EFCC1: variants seen among roughly 807,000 people sequenced by gnomAD.
EFCC1 encodes the protein EF-hand and coiled-coil domain containing 1.
A neutral mutation model predicts 52.1 loss-of-function variants in EFCC1; 50 were observed. The ratio of observed to expected loss-of-function variants is 0.96; its 90% CI spans 0.76 to 1.21. The LOEUF (loss-of-function observed/expected upper bound fraction) is 1.21, where lower values mean the gene tolerates loss of function less well. Ranked by LOEUF, EFCC1 falls within the 50% of genes most tolerant of loss-of-function variation. EFCC1 has a pLI of 0.00. For missense variants in EFCC1, 837 were observed against 867.3 expected, an observed-to-expected ratio of 0.97 and a Z score of 0.44; for synonymous variants, 399 against 396.5, an observed-to-expected ratio of 1.01 and a Z score of -0.08.
intron 4 of EFCC1, among the ~76,000 whole-genome samples, chr3:129,033,498 G>A (rs1946314405): frequency 1.3e-5 from 2 of 152,342 alleles, no homozygotes; most frequent in African/African-American, 4.8e-5. Flanking sequence ...AGGATTTGAG[G>A]TCAAAGATAT....
Position 129,034,229 on chromosome 3 carries a change from C to T in EFCC1, c.1352C>T (p.Ala451Val), listed in dbSNP as rs1434844234. Residue 451 changes from alanine to valine, a missense_variant, in exon 5 of 8, where the codon GCC (alanine) becomes GTC (valine). Transcript: ENST00000683648. Reference protein sequence around the residue: ...YFGHFGGANHAHTLGELEACI... With the variant: ...YFGHFGGANHVHTLGELEACI... ...GGTCACTTCGGCGGTGCCAACCATG[C>T]CCATACCCTGGGGGAGCTGGAGGCC... The T allele has an allele frequency of 4.3e-6, 7 of 1,614,102 alleles. No homozygotes were observed. Among genetic ancestry groups the T allele is most frequent in the Non-Finnish European group, 5.9e-6 (7 of 1,180,046 alleles).
At chr3:129,035,857 G>A (rs1406268509) in intron 5 of EFCC1, among the ~76,000 whole-genome samples, 1 of 152,188 alleles carries the variant, frequency 6.6e-6, no homozygotes, top group African/African-American at 2.4e-5. Context: ...CTGTGCCTCG[G>A]TTTCCTCACC....
intron 2 of EFCC1, among the ~76,000 whole-genome samples, chr3:129,018,384 AAAG>A (rs1945681845): frequency 6.6e-6 from 1 of 152,282 alleles, no homozygotes; most frequent in Non-Finnish European, 1.5e-5. Flanking sequence ...AAAAACTAAA[AAAG>A]GGATATTTCA....
At position 129,026,232 on chromosome 3, in the gene EFCC1, A is replaced by AGGT. The variant is rs369828245; in HGVS notation, c.981-4468_981-4466dup. Among the ~76,000 whole-genome samples the AGGT allele has an allele frequency of 1.4e-3, 210 of 152,314 alleles. 1 individual carries two copies. Among genetic ancestry groups the AGGT allele is most frequent in the African/African-American group, 4.5e-3 (185 of 41,562 alleles). On this transcript the variant is annotated intron_variant, in intron 2 of 7. Transcript: ENST00000683648. ...TTCTAAGACACATGCAAGTGCTAGG[A>AGGT]GGTGGAGTGTGGGGATCCAGTCCAC...
intron 2 of EFCC1, among the ~76,000 whole-genome samples, chr3:129,025,863 T>A (rs1393700730): frequency 1.3e-5 from 2 of 152,236 alleles, no homozygotes; most frequent in Non-Finnish European, 2.9e-5. Context: ...TCTGTTCTCT[T>A]CCCAGCTTCA....
In EFCC1 at chr3:129,001,973, T is replaced by A; in HGVS notation, c.345T>A (p.Ala115=). ...ATGTGACCCCCGGGGATGCGGCCGC[T>A]GAGTTGGCCACGGACGGGGACTCAG... ...SRDVTPGDAA[A]ELATDGDSDT... is the part of the protein sequence containing the mutation. Residue 115 remains alanine, a synonymous_variant, in exon 1 of 8, where the codon GCT becomes GCA. Coordinates refer to ENST00000683648, the MANE Select transcript of EFCC1 (RefSeq NM_001377500.1). 1.9e-6 allele frequency: 3 copies of A among 1,544,688 alleles called. No homozygotes were observed. The highest frequency in any genetic ancestry group is 1.7e-6 in the Non-Finnish European group (2 of 1,144,576).
rs897554213 is a variant in EFCC1, at chr3:129,001,958, C to T, written c.330C>T (p.Pro110=). 56 of 1,543,868 alleles carry T rather than the reference C, an allele frequency of 3.6e-5. No individual in the cohort carries two copies. The highest frequency in any genetic ancestry group is 1.7e-4 in the Middle Eastern group (1 of 5,970). ...AGDGNSRDVT[P]GDAAAELATD... ...ACGGGAACTCCAGAGATGTGACCCC[C>T]GGGGATGCGGCCGCTGAGTTGGCCA... The change falls in exon 1 of 8, where the codon CCC becomes CCT. Residue 110 remains proline, a synonymous_variant. Coordinates refer to ENST00000683648, the MANE Select transcript of EFCC1 (RefSeq NM_001377500.1).
intron 2 of EFCC1, among the ~76,000 whole-genome samples, chr3:129,007,449 G>A (rs1945123303): frequency 6.6e-6 from 1 of 152,142 alleles, no homozygotes; most frequent in African/African-American, 2.4e-5. Context: ...GTGTCTTTGG[G>A]GAGAAAACAG....
intron 2 of EFCC1, among the ~76,000 whole-genome samples, chr3:129,011,767 G>C (rs557782498): frequency 3.7e-4 from 57 of 152,206 alleles, no homozygotes; most frequent in South Asian, 4.2e-4. Context: ...CTTCTCGGAG[G>C]ACAGAGCCTG....
chr3:129,014,838 G>A lies in EFCC1; in HGVS notation c.980+10761G>A, dbSNP rs74474892. Among the ~76,000 whole-genome samples, 2,537 of 152,272 alleles carry A rather than the reference G, an allele frequency of 0.017. 66 individuals carry two copies. Among genetic ancestry groups the A allele is most frequent in the African/African-American group, 0.058 (2,417 of 41,538 alleles). ...CGAGCAGGTTGGAGCCAGCCTGGAT[G>A]CCGAGGGGCCAGTGAGGAGGGGCCA... On this transcript the variant is annotated intron_variant, in intron 2 of 7. Transcript: ENST00000683648. This position sits in a 1 kb window ranked among gnomAD's most constrained non-coding sequence, Gnocchi z 4.3.
At position 129,001,534 on chromosome 3, in the gene EFCC1, G is replaced by A. The variant is rs1944746739; in HGVS notation, c.-95G>A. The A allele has an allele frequency of 3.0e-6, 4 of 1,340,104 alleles. No individual in the cohort carries two copies. The African/African-American group carries it at 4.6e-5, about 16-fold the overall frequency. 83.0% of individuals were successfully genotyped at this position (1,340,104 alleles called of 1,614,324 possible). A position where few individuals can be genotyped will look rare whatever the true frequency, so the allele number is the denominator to read the frequency against. ...GCTCCAACCAGACCGCGACCGCTAA[G>A]CCCCTCCTTTCGAGAAACTCTGGGG... On this transcript the variant is annotated 5_prime_UTR_variant, in exon 1 of 8. Transcript: ENST00000683648.
At chr3:129,016,198 A>G (rs1168442691) in intron 2 of EFCC1, among the ~76,000 whole-genome samples, 1 of 152,178 alleles carries the variant, frequency 6.6e-6, no homozygotes, top group Non-Finnish European at 1.5e-5. Flanking sequence ...ACACTAAGCT[A>G]CAGTTGCTGT....
chr3:129,040,200 T>G lies in EFCC1; in HGVS notation c.*352T>G. 3 of 236,220 alleles carry G rather than the reference T, an allele frequency of 1.3e-5. No individual in the cohort carries two copies. The highest frequency in any genetic ancestry group is 2.4e-5 in the Non-Finnish European group (3 of 122,940). 14.6% of individuals were successfully genotyped at this position (236,220 alleles called of 1,614,324 possible). ...CTGACTGAGTCTGACCCCAAATCTC[T>G]TCCCCAGAGTTTCAGGATCTCCTCC... On this transcript the variant is annotated 3_prime_UTR_variant, in exon 8 of 8. Coordinates refer to ENST00000683648, the MANE Select transcript of EFCC1 (RefSeq NM_001377500.1). The surrounding 1 kb of genome is among the most constrained non-coding windows in gnomAD (Gnocchi z 4.4).
At position 129,003,263 on chromosome 3, in the gene EFCC1, C is replaced by A. The variant is rs549457151; in HGVS notation, c.697-531C>A. On this transcript the variant is annotated intron_variant, in intron 1 of 7. Coordinates refer to ENST00000683648, the MANE Select transcript of EFCC1 (RefSeq NM_001377500.1). ...CTGGGAGCCATGGGATGCGCCTGAA[C>A]GGTCTTCCGGCATCTCTCATGCTTG... The A allele has an allele frequency of 8.5e-4, 841 of 985,376 alleles. 1 individual carries two copies. Among genetic ancestry groups the A allele is most frequent in the Middle Eastern group, 1.0e-3 (2 of 1,914 alleles). The allele number at this position is 985,376 out of a possible 1,614,324, so 61.0% of individuals were successfully genotyped here.
At chr3:129,003,755 G>A in intron 1 of EFCC1, 39 bp from the exon 2 acceptor site, 1 of 1,352,602 alleles carries the variant, frequency 7.4e-7, no homozygotes, top group Non-Finnish European at 9.5e-7. Flanking sequence ...CATCTGGCTG[G>A]GGCACTTACC....
chr3:129,032,752 C>T (rs900471786), intron 3 of EFCC1, 67 bp from the exon 4 acceptor site: 12 of 1,520,308 alleles, frequency 7.9e-6, no homozygotes, highest in African/African-American at 5.5e-5. Flanking sequence ...CTGCACATGT[C>T]CCCCTGGGGA....
At position 129,039,922 on chromosome 3, in the gene EFCC1, C is replaced by CACTG; in HGVS notation, c.*77_*80dup. 1 of 1,504,520 alleles carries CACTG rather than the reference C, an allele frequency of 6.6e-7. No individual in the cohort carries two copies. Among genetic ancestry groups the CACTG allele is most frequent in the African/African-American group, 1.4e-5 (1 of 71,944 alleles). The allele number at this position is 1,504,520 out of a possible 1,614,324, so 93.2% of individuals were successfully genotyped here. On this transcript the variant is annotated 3_prime_UTR_variant, in exon 8 of 8. Coordinates refer to ENST00000683648, the MANE Select transcript of EFCC1 (RefSeq NM_001377500.1). ...GACCAGCCTCCATGATCAGCCCAAC[C>CACTG]ACTGACAGCTGGTCTGACCACCGTC...
At chr3:129,015,933 C>T (rs749460530) in intron 2 of EFCC1, among the ~76,000 whole-genome samples, 2 of 152,224 alleles carry the variant, frequency 1.3e-5, no homozygotes, top group African/African-American at 4.8e-5. Context: ...GGTGCTGCAG[C>T]GTGGCCGTGG....
chr3:129,003,773 C>G (rs768971609), intron 1 of EFCC1, 21 bp from the exon 2 acceptor site: 1 of 1,405,300 alleles, frequency 7.1e-7, no homozygotes, highest in South Asian at 1.4e-5. Context: ...ACCCCCTGCC[C>G]CTGCTGCCCT....
Sources: gnomAD v4.1 joint callset for allele counts (sites outside exome capture counted in the v4.1 genomes callset) on GRCh38, gnomAD v4.1.1 for gene constraint, Gnocchi (gnomAD v3.1) non-coding constraint, MANE v1.5 for transcripts, NCBI Gene and HGNC (gene_info 2026-07-23, HGNC 2026-07-21) for gene names.